The following TMEM26 variants were observed in gnomAD, a reference collection of about 807,000 sequenced individuals.
The protein encoded by TMEM26 is transmembrane protein 26.
In TMEM26, 38 loss-of-function variants were observed where a neutral mutation model predicts 28.8. That is an observed-to-expected ratio of 1.32 (90% CI 1.02 to 1.73). The LOEUF is 1.73. Ranked by LOEUF, TMEM26 falls within the 40% of genes most tolerant of loss-of-function variation. The probability of loss-of-function intolerance (pLI) is 0.00; values close to 1 mark genes in which losing one functional copy is unlikely to be tolerated. For synonymous variants in TMEM26, 227 were observed against 182.9 expected (o/e 1.24, Z -1.95); for missense variants, 518 against 447.1 (o/e 1.16, Z -1.43).
Position 61,453,073 on chromosome 10 carries a change from T to C in TMEM26, c.9A>G (p.Gly3=), listed in dbSNP as rs374474209. The change falls in exon 1 of 6, where the codon GGA becomes GGG. Residue 3 remains glycine, a synonymous_variant. Transcript: ENST00000399298. The stretch of plus-strand genomic sequence containing the variant: ...TGGCCAGGGCGTTAAGGAAGACCAG[T>C]CCCTCCATGCTGGCCGGAGCACTCT... The part of the protein sequence containing the change: ME[G]LVFLNALATR... 1 of 1,612,756 alleles carries C rather than the reference T, an allele frequency of 6.2e-7. No individual in the cohort carries two copies. Among genetic ancestry groups the C allele is most frequent in the Non-Finnish European group, 8.5e-7 (1 of 1,179,762 alleles).
intron 4 of TMEM26, 24 bp downstream of exon 4, chr10:61,428,902 G>GAA (rs1302728592): frequency 6.2e-7 from 1 of 1,606,842 alleles, no homozygotes; most frequent in African/African-American, 1.3e-5. Flanking sequence ...AAAACAAGGT[G>GAA]TTTTTGCTGC....
At chr10:61,423,680 G>T (rs1355337469) in intron 4 of TMEM26, among the ~76,000 whole-genome samples, 2 of 152,138 alleles carry the variant, frequency 1.3e-5, no homozygotes, top group African/African-American at 2.4e-5. Flanking sequence ...CAGTGCAATG[G>T]TGATCACACT....
chr10:61,449,179 A>G (rs975881700), intron 1 of TMEM26, among the ~76,000 whole-genome samples: 2 of 152,214 alleles, frequency 1.3e-5, no homozygotes, highest in African/African-American at 4.8e-5. Context: ...CCAGGAGTAC[A>G]TATTTTTTTT....
intron 1 of TMEM26, among the ~76,000 whole-genome samples, chr10:61,442,955 C>G (rs937307128): frequency 6.6e-6 from 1 of 152,184 alleles, no homozygotes; most frequent in Non-Finnish European, 1.5e-5. Context: ...CACAAAGCCT[C>G]TGAATGCCTG....
chr10:61,419,290 A>G (rs1194538797), intron 4 of TMEM26, among the ~76,000 whole-genome samples: 2 of 152,124 alleles, frequency 1.3e-5, no homozygotes, highest in Non-Finnish European at 2.9e-5. Flanking sequence ...TATCTAACTT[A>G]CAATCAAGAG....
chr10:61,417,779 C>T (rs1420865198), intron 4 of TMEM26, among the ~76,000 whole-genome samples: 1 of 151,880 alleles, frequency 6.6e-6, no homozygotes, highest in Non-Finnish European at 1.5e-5. Context: ...TGTGAATGGC[C>T]AGGGAACTCT....
intron 4 of TMEM26, chr10:61,415,244 CTAATTA>C (rs1442032233): frequency 1.4e-6 from 1 of 701,542 alleles, no homozygotes; most frequent in Non-Finnish European, 1.8e-6. Flanking sequence ...TAATTGTTAT[CTAATTA>C]TGAGTCCACA....
chr10:61,451,304 C>T (rs200550920), intron 1 of TMEM26, among the ~76,000 whole-genome samples: 18 of 152,118 alleles, frequency 1.2e-4, no homozygotes, highest in African/African-American at 3.1e-4. Flanking sequence ...TGACTTAATG[C>T]GAGTTAAGGC....
chr10:61,414,773 T>G (rs956866329), intron 4 of TMEM26: 4 of 160,386 alleles, frequency 2.5e-5, no homozygotes, highest in Non-Finnish European at 5.3e-5. Context: ...TGAGAAAAAT[T>G]GCACTCAATT....
intron 3 of TMEM26, among the ~76,000 whole-genome samples, chr10:61,429,403 C>T: frequency 6.6e-6 from 1 of 151,910 alleles, no homozygotes. Context: ...TGGGATTGTA[C>T]CATATAGTAT....
intron 1 of TMEM26, among the ~76,000 whole-genome samples, chr10:61,446,817 C>CAAAAAAAAAAAAAAAAAAAAAAAAAA (rs34030340): frequency 2.9e-5 from 1 of 33,938 alleles, no homozygotes; most frequent in African/African-American, 1.2e-4. Flanking sequence ...GACTCCATCT[C>CAAAAAAAAAAAAAAAAAAAAAAAAAA]AAAAAAAAAA....
intron 1 of TMEM26, among the ~76,000 whole-genome samples, chr10:61,447,259 T>C (rs906302212): frequency 6.6e-5 from 10 of 152,212 alleles, no homozygotes; most frequent in Non-Finnish European, 1.3e-4. Flanking sequence ...CTCTGGCATT[T>C]TCATAAACAT....
intron 2 of TMEM26, among the ~76,000 whole-genome samples, chr10:61,432,100 T>C (rs1157007339): frequency 6.6e-6 from 1 of 152,132 alleles, no homozygotes; most frequent in Non-Finnish European, 1.5e-5. Context: ...ACAGTGTGTG[T>C]CTGTGTGTGT....
chr10:61,436,106 G>T, intron 2 of TMEM26, 64 bp downstream of exon 2: 1 of 1,052,496 alleles, frequency 9.5e-7, no homozygotes. Flanking sequence ...AAAATAAACT[G>T]GATCATACTG....
At chr10:61,436,281 T>C (rs1344149392) in intron 1 of TMEM26, 33 bp from the exon 2 acceptor site, 2 of 1,374,198 alleles carry the variant, frequency 1.5e-6, no homozygotes, top group African/African-American at 1.5e-5. Context: ...ATAGTTTAGC[T>C]AATTTAAGCT....
chr10:61,415,331 A>G (rs926696330), intron 4 of TMEM26, among the ~76,000 whole-genome samples: 1 of 152,136 alleles, frequency 6.6e-6, no homozygotes, highest in Non-Finnish European at 1.5e-5. Context: ...TATAAGGTCT[A>G]AAATTTTAAG....
At chr10:61,432,032 T>G (rs1450289512) in intron 2 of TMEM26, among the ~76,000 whole-genome samples, 1 of 152,128 alleles carries the variant, frequency 6.6e-6, no homozygotes, top group African/African-American at 2.4e-5. Flanking sequence ...GCCTCCAGCT[T>G]CATTCATGTT....
intron 4 of TMEM26, chr10:61,415,191 AT>A: frequency 2.0e-6 from 2 of 981,502 alleles, no homozygotes; most frequent in Non-Finnish European, 2.4e-6. Context: ...AAGAAAGAGC[AT>A]TTCACAGCAG....
chr10:61,410,558 C>T lies in TMEM26; in HGVS notation c.871G>A (p.Ala291Thr), dbSNP rs760815670. The change falls in exon 6 of 6, where the codon GCG becomes ACG. Residue 291 changes from alanine to threonine, a missense_variant. Coordinates refer to ENST00000399298, the MANE Select transcript of TMEM26 (RefSeq NM_178505.8). ...VINQMLVFFA[A>T]KNFLVVVLQL... Reference sequence around the variant, plus strand: ...AACACCACCACGAGGAAGTTCTTCGCGGCAAAGAACACCAGCATCTGATTG... The same window carrying T: ...AACACCACCACGAGGAAGTTCTTCGTGGCAAAGAACACCAGCATCTGATTG... 3.1e-6 allele frequency: 5 copies of T among 1,614,072 alleles called. No homozygotes were observed. The highest frequency in any genetic ancestry group is 2.2e-5 in the East Asian group (1 of 44,848).
Sources: gnomAD v4.1 joint callset for allele counts (sites outside exome capture counted in the v4.1 genomes callset) on GRCh38, gnomAD v4.1.1 for gene constraint, MANE v1.5 for transcripts, NCBI Gene and HGNC (gene_info 2026-07-23, HGNC 2026-07-21) for gene names.